The following GALNT17 variants were observed in gnomAD, a reference collection of about 807,000 sequenced individuals.
GALNT17 encodes the protein UDP-GalNAc:polypeptide N-acetylgalactosaminyltransferase-like 3.
A neutral mutation model predicts 63.7 loss-of-function variants in GALNT17; 29 were observed. The ratio of observed to expected loss-of-function variants is 0.46; its 90% CI spans 0.34 to 0.62. GALNT17 has a LOEUF of 0.62. Among genes scored for constraint, GALNT17 ranks in the 20% least tolerant of loss-of-function variants. GALNT17 has a pLI of 0.01. For missense variants in GALNT17, 603 were observed against 799.6 expected (o/e 0.75, Z 2.97); for synonymous variants, 305 against 318.3 (o/e 0.96, Z 0.45).
At chr7:71,478,936 G>C (rs1203438142) in intron 5 of GALNT17, among the ~76,000 whole-genome samples, 1 of 152,172 alleles carries the variant, frequency 6.6e-6, no homozygotes, top group Non-Finnish European at 1.5e-5. Context: ...TCTGAAACTA[G>C]CTCAATTTGG....
chr7:71,437,408 A>G, intron 5 of GALNT17, among the ~76,000 whole-genome samples: 1 of 152,206 alleles, frequency 6.6e-6, no homozygotes. Flanking sequence ...TCAAACAATC[A>G]GCTGGGAAGA....
At chr7:71,226,499 T>TA (rs397741202) in intron 1 of GALNT17, among the ~76,000 whole-genome samples, 22 of 152,204 alleles carry the variant, frequency 1.4e-4, no homozygotes, top group African/African-American at 5.1e-4. Context: ...CTTTCTTTTT[T>TA]CTTTTTCTTT....
intron 5 of GALNT17, among the ~76,000 whole-genome samples, chr7:71,436,297 T>G (rs1786962286): frequency 6.6e-6 from 1 of 152,106 alleles, no homozygotes; most frequent in Admixed American, 6.6e-5. Context: ...GCTGTAATCA[T>G]TCCACTGCAC....
chr7:71,588,974 C>A (rs914362749), intron 6 of GALNT17, among the ~76,000 whole-genome samples: 5 of 152,062 alleles, frequency 3.3e-5, no homozygotes, highest in African/African-American at 1.2e-4. Context: ...GACACATAGC[C>A]CACATAAGGG....
At chr7:71,276,288 A>G (rs1398186295) in intron 1 of GALNT17, among the ~76,000 whole-genome samples, 1 of 152,180 alleles carries the variant, frequency 6.6e-6, no homozygotes, top group Non-Finnish European at 1.5e-5. Context: ...TACAACTGCC[A>G]TTCGATCCAG....
At chr7:71,511,951 C>G (rs1788362992) in intron 5 of GALNT17, among the ~76,000 whole-genome samples, 1 of 151,866 alleles carries the variant, frequency 6.6e-6, no homozygotes, top group Non-Finnish European at 1.5e-5. Flanking sequence ...AGGAATTTTT[C>G]CTTCTATCTG....
chr7:71,429,383 T>C (rs1389110455), intron 5 of GALNT17, among the ~76,000 whole-genome samples: 1 of 152,118 alleles, frequency 6.6e-6, no homozygotes, highest in African/African-American at 2.4e-5. Context: ...AGAAAATCAT[T>C]TGTTAAGAGT....
intron 1 of GALNT17, among the ~76,000 whole-genome samples, chr7:71,316,699 C>T (rs12669906): frequency 0.61 from 92,047 of 151,814 alleles, 28,048 homozygotes; most frequent in African/African-American, 0.63. Context: ...AAGGGCTTGG[C>T]TTTGGCCTGG....
chr7:71,465,614 C>T (rs1164335970), intron 5 of GALNT17, among the ~76,000 whole-genome samples: 2 of 152,214 alleles, frequency 1.3e-5, no homozygotes, highest in Non-Finnish European at 1.5e-5. Flanking sequence ...GCCCGATCTC[C>T]TCCTACTGTG....
chr7:71,175,698 A>T (rs1200855843), intron 1 of GALNT17, among the ~76,000 whole-genome samples: 1 of 152,134 alleles, frequency 6.6e-6, no homozygotes, highest in African/African-American at 2.4e-5. Context: ...TATTCTAGTG[A>T]TTATGTCTCT....
At chr7:71,246,769 CAGTGAG>C (rs1225440004) in intron 1 of GALNT17, among the ~76,000 whole-genome samples, 25 of 151,640 alleles carry the variant, frequency 1.6e-4, no homozygotes, top group African/African-American at 6.1e-4. Context: ...GCAGAGCTTG[CAGTGAG>C]CTGAGAACGC....
intron 6 of GALNT17, among the ~76,000 whole-genome samples, chr7:71,581,832 A>T (rs954274492): frequency 6.6e-6 from 1 of 152,130 alleles, no homozygotes; most frequent in Admixed American, 6.5e-5. Flanking sequence ...TGACAGTGAG[A>T]TGTCAAGGGA....
At chr7:71,612,446 C>T (rs569006353) in intron 6 of GALNT17, among the ~76,000 whole-genome samples, 1 of 152,344 alleles carries the variant, frequency 6.6e-6, no homozygotes, top group Non-Finnish European at 1.5e-5. Context: ...GCTCTTCGTG[C>T]ATTGGGTCGA....
intron 2 of GALNT17, among the ~76,000 whole-genome samples, chr7:71,350,658 G>C (rs1792173955): frequency 6.6e-6 from 1 of 152,140 alleles, no homozygotes; most frequent in Non-Finnish European, 1.5e-5. Context: ...AGTAGGTTAT[G>C]CGCAAATACT....
intron 5 of GALNT17, among the ~76,000 whole-genome samples, chr7:71,547,770 C>T (rs1186564444): frequency 6.6e-6 from 1 of 152,108 alleles, no homozygotes; most frequent in Non-Finnish European, 1.5e-5. Flanking sequence ...TCTAGTCTTT[C>T]CTAAACAATA....
chr7:71,464,750 G>T (rs921899137), intron 5 of GALNT17, among the ~76,000 whole-genome samples: 1 of 152,054 alleles, frequency 6.6e-6, no homozygotes, highest in African/African-American at 2.4e-5. Flanking sequence ...TGGTGCTCTG[G>T]GGCTGAGGAG....
intron 1 of GALNT17, among the ~76,000 whole-genome samples, chr7:71,148,731 C>T (rs1014873722): frequency 2.6e-5 from 4 of 151,728 alleles, no homozygotes; most frequent in African/African-American, 7.3e-5. Flanking sequence ...TGGGAGTTAT[C>T]TTATGATCAG....
chr7:71,567,551 G>A (rs1266966063), intron 5 of GALNT17, among the ~76,000 whole-genome samples: 3 of 152,154 alleles, frequency 2.0e-5, no homozygotes, highest in African/African-American at 4.8e-5. Flanking sequence ...TGCAGCCTCC[G>A]CCTCTCAGGT....
At chr7:71,646,098 C>T (rs755423059) in intron 6 of GALNT17, among the ~76,000 whole-genome samples, 1 of 152,178 alleles carries the variant, frequency 6.6e-6, no homozygotes, top group Non-Finnish European at 1.5e-5. Flanking sequence ...CATTTTGCCT[C>T]CAAGTTCCTA....
Sources: allele counts gnomAD v4.1 joint callset (sites outside exome capture counted in the v4.1 genomes callset), GRCh38; gene constraint gnomAD v4.1.1; transcripts MANE v1.5; gene names NCBI Gene and HGNC (gene_info 2026-07-23, HGNC 2026-07-21).